The following ODR4 variants were observed in gnomAD, a reference collection of about 807,000 sequenced individuals.
The protein encoded by ODR4 is odr-4 GPCR localization factor homolog, also known as protein odr-4 homolog.
ODR4 carries 47 observed loss-of-function variants against 60.2 expected under a neutral mutation model. That is an observed-to-expected ratio of 0.78 (90% CI 0.62 to 1.00). ODR4 has a LOEUF of 1.00. ODR4 is among the 50% of genes least tolerant of loss of function. The pLI, the probability that ODR4 is intolerant of heterozygous loss-of-function variation, is 0.00. For synonymous variants in ODR4, 178 were observed against 175.5 expected, an observed-to-expected ratio of 1.01 and a Z score of -0.11; for missense variants, 488 against 530.8, an observed-to-expected ratio of 0.92 and a Z score of 0.79.
the ODR4 span, among the ~76,000 whole-genome samples, chr1:186,428,483 A>G: frequency 1.3e-5 from 2 of 152,206 alleles, no homozygotes; most frequent in Non-Finnish European, 2.9e-5. Flanking sequence ...GGTTTGATCT[A>G]TCTAAACCAC....
At chr1:186,408,917 C>T (rs1405695447) in intron 12 of ODR4, among the ~76,000 whole-genome samples, 1 of 151,866 alleles carries the variant, frequency 6.6e-6, no homozygotes, top group African/African-American at 2.4e-5. Flanking sequence ...GTATTTTTAA[C>T]TCATTTAATT....
intron 2 of ODR4, among the ~76,000 whole-genome samples, chr1:186,382,360 G>C (rs1210278871): frequency 6.6e-6 from 1 of 151,730 alleles, no homozygotes; most frequent in African/African-American, 2.4e-5. Flanking sequence ...AGGAGTGCAA[G>C]GTTGCAGTGA....
chr1:186,433,374 A>G, the ODR4 span, among the ~76,000 whole-genome samples: 1 of 151,982 alleles, frequency 6.6e-6, no homozygotes, highest in African/African-American at 2.4e-5. Flanking sequence ...CCTTGAACAC[A>G]GAAGTTATTT....
chr1:186,390,950 A>G, intron 7 of ODR4, 99 bp downstream of exon 7: 2 of 1,230,392 alleles, frequency 1.6e-6, no homozygotes, highest in East Asian at 2.6e-5. Flanking sequence ...CTCAAAAATT[A>G]CATTCTGCTT....
intron 12 of ODR4, among the ~76,000 whole-genome samples, chr1:186,415,684 G>A (rs754037553): frequency 2.0e-5 from 3 of 152,066 alleles, no homozygotes; most frequent in African/African-American, 7.2e-5. Context: ...GTTTTCATAG[G>A]ATTCTTCAGT....
At chr1:186,405,254 A>G (rs1661129409) in intron 11 of ODR4, among the ~76,000 whole-genome samples, 1 of 152,202 alleles carries the variant, frequency 6.6e-6, no homozygotes, top group Admixed American at 6.5e-5. Flanking sequence ...TGCTTGATAT[A>G]TAGGAAGGGG....
intron 4 of ODR4, among the ~76,000 whole-genome samples, chr1:186,386,528 ATAT>A (rs1241453555): frequency 2.6e-5 from 4 of 152,164 alleles, no homozygotes; most frequent in African/African-American, 7.2e-5. Context: ...ATTAATTATA[ATAT>A]TAAGAACTCA....
At chr1:186,401,317 T>G in intron 11 of ODR4, 1 of 752,524 alleles carries the variant, frequency 1.3e-6, no homozygotes, top group Non-Finnish European at 2.1e-6. Context: ...AAGTTTTTAC[T>G]GGCAATTGGG....
intron 10 of ODR4, among the ~76,000 whole-genome samples, 173 bp from the exon 11 acceptor site, chr1:186,398,781 A>G (rs893199808): frequency 3.9e-5 from 6 of 152,244 alleles, no homozygotes; most frequent in African/African-American, 1.4e-4. Context: ...TCATTAAACT[A>G]TAAATTTGTT....
chr1:186,398,312 G>C lies in ODR4; in HGVS notation c.781-1G>C. ...GAACTTAAACAGATTTTGTCTTTCA[G>C]CTCCTGAATTCAGACCACAGATCCA... On this transcript the variant is annotated splice_acceptor_variant, in intron 9 of 13. Coordinates refer to ENST00000287859, the MANE Select transcript of ODR4 (RefSeq NM_017847.6). LOFTEE classifies it high-confidence loss of function. The C allele has an allele frequency of 6.3e-7, 1 of 1,575,476 alleles. No individual in the cohort carries two copies. Among genetic ancestry groups the C allele is most frequent in the South Asian group, 1.2e-5 (1 of 83,708 alleles).
At chr1:186,393,500 G>T (rs1234470868) in intron 8 of ODR4, among the ~76,000 whole-genome samples, 1 of 152,174 alleles carries the variant, frequency 6.6e-6, no homozygotes, top group Non-Finnish European at 1.5e-5. Context: ...TGAAGGAAGC[G>T]GAACTTTTGT....
At chr1:186,381,549 G>A (rs1017714892) in intron 2 of ODR4, among the ~76,000 whole-genome samples, 1 of 152,024 alleles carries the variant, frequency 6.6e-6, no homozygotes. Context: ...GGATGGTCTC[G>A]ATCTCCTGAT....
intron 9 of ODR4, among the ~76,000 whole-genome samples, chr1:186,396,829 A>G (rs1286082919): frequency 2.0e-5 from 3 of 152,086 alleles, no homozygotes; most frequent in African/African-American, 7.2e-5. Flanking sequence ...TTAAAAATAT[A>G]TAAATTATAT....
chr1:186,409,299 A>G (rs1250326519), intron 12 of ODR4, among the ~76,000 whole-genome samples: 3 of 152,174 alleles, frequency 2.0e-5, no homozygotes, highest in South Asian at 2.1e-4. Flanking sequence ...CTAAAACCCA[A>G]TAAATTCAAA....
chr1:186,389,588 A>C lies in ODR4; in HGVS notation c.438A>C (p.Lys146Asn), dbSNP rs1660381501. 1 of 1,538,520 alleles carries C rather than the reference A, an allele frequency of 6.5e-7. No homozygotes were observed. The highest frequency in any genetic ancestry group is 2.0e-5 in the Admixed American group (1 of 50,844). ...VTLHICASTK[K>N]IFCRTYDIHD... is the part of the protein sequence containing the mutation. ...TTATTTCTGTCCTTAATTAGTGAAG[A>C]ATATTTTGTCGAACTTATGATATCC... The change falls in exon 6 of 14, where the codon AAA becomes AAC. Residue 146 changes from lysine (K) to asparagine (N), a missense_variant and splice_region_variant. Lys to Asn is a moderately conservative substitution (Grantham distance 94, BLOSUM62 0). Coordinates refer to ENST00000287859, the MANE Select transcript of ODR4 (RefSeq NM_017847.6).
At chr1:186,390,488 G>T (rs1266341982) in intron 6 of ODR4, among the ~76,000 whole-genome samples, 1 of 152,084 alleles carries the variant, frequency 6.6e-6, no homozygotes, top group Non-Finnish European at 1.5e-5. Flanking sequence ...CCTACCATTG[G>T]GAGGAGAAGT....
chr1:186,410,146 A>G (rs1470390225), intron 12 of ODR4, among the ~76,000 whole-genome samples: 2 of 152,198 alleles, frequency 1.3e-5, no homozygotes, highest in Admixed American at 1.3e-4. Flanking sequence ...ATTCTTAGGA[A>G]ACTACAGCAC....
chr1:186,384,651 C>A (rs1660183764), intron 3 of ODR4, among the ~76,000 whole-genome samples: 1 of 151,640 alleles, frequency 6.6e-6, no homozygotes, highest in South Asian at 2.1e-4. Context: ...CCTTTTACCT[C>A]TAGAAAGAAA....
chr1:186,392,944 G>T (rs921279256), intron 8 of ODR4, among the ~76,000 whole-genome samples: 5 of 152,222 alleles, frequency 3.3e-5, no homozygotes. Context: ...GGTGGAGGTT[G>T]CATTGAGCCG....
Sources: allele counts gnomAD v4.1 joint callset (sites outside exome capture counted in the v4.1 genomes callset), GRCh38; gene constraint gnomAD v4.1.1; transcripts MANE v1.5; gene names NCBI Gene and HGNC (gene_info 2026-07-23, HGNC 2026-07-21).